Variants in NDUFAF2 observed in about 807,000 individuals in gnomAD.
NDUFAF2 encodes the protein NADH:ubiquinone oxidoreductase complex assembly factor 2.
Under a neutral mutation model 22.8 loss-of-function variants are expected in NDUFAF2, and 13 were observed. That is an observed-to-expected ratio of 0.57 (90% confidence interval 0.37 to 0.91). The LOEUF is 0.91. Among genes scored for constraint, NDUFAF2 ranks in the 40% least tolerant of loss-of-function variants. The pLI, the probability that NDUFAF2 is intolerant of heterozygous loss-of-function variation, is 0.01. For synonymous variants in NDUFAF2, 53 were observed against 64.2 expected (o/e 0.83, Z 0.84); for missense variants, 162 against 195.2 (o/e 0.83, Z 1.01).
intron 1 of NDUFAF2, among the ~76,000 whole-genome samples, chr5:61,067,936 T>G (rs1752251191): frequency 6.6e-6 from 1 of 152,188 alleles, no homozygotes; most frequent in Admixed American, 6.6e-5. Flanking sequence ...TTTCATATTT[T>G]AATTTGCTTC....
At chr5:61,149,018 TG>T (rs1741189425) in intron 3 of NDUFAF2, among the ~76,000 whole-genome samples, 1 of 152,176 alleles carries the variant, frequency 6.6e-6, no homozygotes, top group Non-Finnish European at 1.5e-5. Flanking sequence ...TCACCCAGGC[TG>T]GAGTGCAGTG....
intron 2 of NDUFAF2, among the ~76,000 whole-genome samples, chr5:61,094,117 T>G (rs969801098): frequency 6.6e-6 from 1 of 152,218 alleles, no homozygotes; most frequent in Admixed American, 6.5e-5. Context: ...ATCTTTTAGA[T>G]ACACCAATCA....
chr5:61,002,386 G>C (rs931096465), intron 1 of NDUFAF2, among the ~76,000 whole-genome samples: 1 of 152,046 alleles, frequency 6.6e-6, no homozygotes, highest in African/African-American at 2.4e-5. Context: ...TCTGATTTAA[G>C]ATTATGAAAA....
intron 1 of NDUFAF2, among the ~76,000 whole-genome samples, chr5:60,977,152 G>A (rs1042876701): frequency 6.6e-6 from 1 of 152,096 alleles, no homozygotes; most frequent in African/African-American, 2.4e-5. Flanking sequence ...CACTGGTGGA[G>A]TGTGGTGGCT....
At chr5:61,049,782 A>C (rs1751999374) in intron 1 of NDUFAF2, among the ~76,000 whole-genome samples, 1 of 151,954 alleles carries the variant, frequency 6.6e-6, no homozygotes, top group South Asian at 2.1e-4. Flanking sequence ...TTTAAGGCTG[A>C]ATAATATTTC....
chr5:61,145,132 T>C (rs1323093733), intron 3 of NDUFAF2, among the ~76,000 whole-genome samples: 1 of 152,202 alleles, frequency 6.6e-6, no homozygotes, highest in Non-Finnish European at 1.5e-5. Context: ...AAATCTCTTT[T>C]GTCATTACTA....
At chr5:60,986,565 G>T (rs1751080927) in intron 1 of NDUFAF2, among the ~76,000 whole-genome samples, 1 of 152,002 alleles carries the variant, frequency 6.6e-6, no homozygotes, top group Admixed American at 6.6e-5. Context: ...ACAGGTAAGG[G>T]CAAACCAACC....
intron 3 of NDUFAF2, among the ~76,000 whole-genome samples, chr5:61,134,039 A>T (rs1753144480): frequency 6.6e-6 from 1 of 152,228 alleles, no homozygotes; most frequent in Admixed American, 6.5e-5. Context: ...AAGAGCAGAA[A>T]CAACCCAAAT....
At chr5:60,987,365 G>T (rs917506510) in intron 1 of NDUFAF2, among the ~76,000 whole-genome samples, 3 of 152,120 alleles carry the variant, frequency 2.0e-5, no homozygotes, top group African/African-American at 7.2e-5. Context: ...AGAAGAGCTG[G>T]TACCATTCCT....
At chr5:60,962,570 C>T (rs985367290) in intron 1 of NDUFAF2, among the ~76,000 whole-genome samples, 2 of 152,100 alleles carry the variant, frequency 1.3e-5, no homozygotes, top group Non-Finnish European at 1.5e-5. Context: ...TGGTGGCTCA[C>T]GCCTGTAATC....
chr5:60,989,277 A>G (rs1279514948), intron 1 of NDUFAF2, among the ~76,000 whole-genome samples: 1 of 152,158 alleles, frequency 6.6e-6, no homozygotes, highest in Non-Finnish European at 1.5e-5. Context: ...TGGAGGGGTT[A>G]TAGAGAAGAG....
chr5:60,988,472 G>A (rs1751112684), intron 1 of NDUFAF2, among the ~76,000 whole-genome samples: 1 of 152,046 alleles, frequency 6.6e-6, no homozygotes, highest in East Asian at 1.9e-4. Flanking sequence ...AGTTGCCAAA[G>A]CAATCCTAAG....
At chr5:61,134,936 G>A (rs1325414121) in intron 3 of NDUFAF2, among the ~76,000 whole-genome samples, 1 of 151,806 alleles carries the variant, frequency 6.6e-6, no homozygotes, top group East Asian at 1.9e-4. Context: ...AGGACAAAAA[G>A]AAAGGAATAC....
At chr5:61,071,493 G>A (rs866152924) in intron 1 of NDUFAF2, among the ~76,000 whole-genome samples, 2 of 152,304 alleles carry the variant, frequency 1.3e-5, no homozygotes, top group South Asian at 4.1e-4. Context: ...CTCCTGCACA[G>A]TCACTCCCAG....
chr5:60,945,967 A>G (rs1750442825), intron 1 of NDUFAF2, among the ~76,000 whole-genome samples: 1 of 152,032 alleles, frequency 6.6e-6, no homozygotes, highest in South Asian at 2.1e-4. Flanking sequence ...AAGTAGGTCC[A>G]TATCCCCACA....
At chr5:61,106,474 A>AATACG (rs1752764872) in intron 3 of NDUFAF2, among the ~76,000 whole-genome samples, 1 of 151,448 alleles carries the variant, frequency 6.6e-6, no homozygotes, top group Non-Finnish European at 1.5e-5. Context: ...CGTGCATACA[A>AATACG]TGCGTAATAA....
intron 1 of NDUFAF2, among the ~76,000 whole-genome samples, chr5:60,986,237 G>A (rs1287053451): frequency 6.6e-6 from 1 of 152,146 alleles, no homozygotes; most frequent in Non-Finnish European, 1.5e-5. Context: ...AGATTTGGAA[G>A]CAAGCTAAGT....
At chr5:60,981,312 A>T (rs911694933) in intron 1 of NDUFAF2, among the ~76,000 whole-genome samples, 1 of 152,192 alleles carries the variant, frequency 6.6e-6, no homozygotes, top group African/African-American at 2.4e-5. Flanking sequence ...GAAAAAATAC[A>T]TATATTAGAA....
chr5:61,056,889 C>CAAAAAAA (rs144850054), intron 1 of NDUFAF2, among the ~76,000 whole-genome samples: 3 of 46,794 alleles, frequency 6.4e-5, no homozygotes, highest in African/African-American at 1.4e-4. Context: ...ACTCTGTCTC[C>CAAAAAAA]AAAAAAAAAA....
Sources: gnomAD v4.1 joint callset for allele counts (sites outside exome capture counted in the v4.1 genomes callset) on GRCh38, gnomAD v4.1.1 for gene constraint, MANE v1.5 for transcripts, NCBI Gene and HGNC (gene_info 2026-07-23, HGNC 2026-07-21) for gene names.